MED13: variants seen among roughly 807,000 people sequenced by gnomAD.
MED13 encodes mediator of RNA polymerase II transcription subunit 13.
A neutral mutation model predicts 225.2 loss-of-function variants in MED13; 23 were observed. The observed-to-expected ratio is 0.10, with a 90% CI of 0.07 to 0.14. MED13 has a LOEUF of 0.14. Among genes scored for constraint, MED13 ranks in the 10% least tolerant of loss-of-function variants. The probability of loss-of-function intolerance (pLI) is 1.00; values close to 1 mark genes in which losing one functional copy is unlikely to be tolerated. For synonymous variants in MED13, 942 were observed against 889.2 expected (o/e 1.06, Z -1.06); for missense variants, 2,197 against 2,594.5 (o/e 0.85, Z 3.33).
At chr17:62,007,223 AG>A (rs1156303849) in intron 9 of MED13, 1 of 152,270 alleles carries the variant, frequency 6.6e-6, no homozygotes, top group Non-Finnish European at 1.5e-5. Flanking sequence ...CCTGGACAAG[AG>A]AGCAAGACTC....
At chr17:61,964,673 C>A (rs1008344765) in intron 20 of MED13, among the ~76,000 whole-genome samples, 1 of 151,776 alleles carries the variant, frequency 6.6e-6, no homozygotes, top group East Asian at 1.9e-4. Context: ...TGGTGGCTCA[C>A]GTCTGTAATC....
rs908416868 is a variant in MED13, at chr17:61,956,477, G to A, written c.5485C>T (p.Arg1829Cys). Reference sequence around the variant, plus strand: ...TTTCTAGCAGAACTTTTTTTCCGACGAGCCCTATTGTGTGAATAAAGAGAG... The same window carrying A: ...TTTCTAGCAGAACTTTTTTTCCGACAAGCCCTATTGTGTGAATAAAGAGAG... The part of the protein sequence containing the change: ...IINIDVPNRA[R>C]RKKSSARKFG... Residue 1829 changes from arginine (R) to cysteine (C), a missense_variant, in exon 24 of 30, where the codon CGT becomes TGT. Arg to Cys is a radical substitution (Grantham distance 180, BLOSUM62 -3). Coordinates refer to ENST00000397786, the MANE Select transcript of MED13 (RefSeq NM_005121.3). 1.4e-5 allele frequency: 22 copies of A among 1,605,670 alleles called. No individual in the cohort carries two copies. Among genetic ancestry groups the A allele is most frequent in the East Asian group, 4.5e-5 (2 of 44,804 alleles).
intron 20 of MED13, among the ~76,000 whole-genome samples, chr17:61,963,264 G>T (rs1046889538): frequency 7.7e-5 from 5 of 65,058 alleles, no homozygotes; most frequent in Middle Eastern, 6.5e-3. Context: ...AAAACCATAG[G>T]GTAAGGGTAT....
At chr17:62,046,273 AAAG>A (rs557102940) in intron 3 of MED13, among the ~76,000 whole-genome samples, 60 of 152,348 alleles carry the variant, frequency 3.9e-4, no homozygotes, top group Admixed American at 1.5e-3. Flanking sequence ...TTGCTTTTCC[AAAG>A]AAGGAAAAAG....
intron 8 of MED13, among the ~76,000 whole-genome samples, chr17:62,014,201 C>T (rs2143604008): frequency 1.3e-5 from 2 of 152,072 alleles, no homozygotes; most frequent in East Asian, 3.9e-4. Context: ...CTATGAAGTA[C>T]TCTTGCCAAA....
intron 2 of MED13, among the ~76,000 whole-genome samples, chr17:62,062,608 A>AC (rs2081049460): frequency 8.9e-6 from 1 of 112,800 alleles, no homozygotes; most frequent in African/African-American, 2.9e-5. Flanking sequence ...CACCACACAC[A>AC]CACACACACA....
rs781103779 is a variant in MED13, at chr17:61,985,069, T to C, written c.2407A>G (p.Asn803Asp). ...CAGCTGGCTTTATCATCTGATCCAT[T>C]TGCTGATTTTTTAGATCCAGGCTAT... is the stretch of plus-strand genomic sequence containing the variant. ...ELTPGSKKSA[N>D]GSDDKASCKE... is the part of the protein sequence containing the mutation. The change falls in exon 13 of 30, where the codon AAT (asparagine) becomes GAT (aspartate). Residue 803 changes from asparagine to aspartate, a missense_variant. Transcript: ENST00000397786. 2.2e-5 allele frequency: 35 copies of C among 1,613,558 alleles called. No individual in the cohort carries two copies. Among genetic ancestry groups the C allele is most frequent in the South Asian group, 3.3e-5 (3 of 90,904 alleles).
At chr17:62,056,739 A>C (rs1286020478) in intron 2 of MED13, among the ~76,000 whole-genome samples, 1 of 152,160 alleles carries the variant, frequency 6.6e-6, no homozygotes, top group Non-Finnish European at 1.5e-5. Context: ...TGAGTGAGAC[A>C]AAGTGTGACC....
chr17:62,048,035 TACATATAC>T (rs1195712143), intron 3 of MED13, among the ~76,000 whole-genome samples: 5 of 123,876 alleles, frequency 4.0e-5, no homozygotes, highest in African/African-American at 1.6e-4. Flanking sequence ...CATATACATA[TACATATAC>T]ATATATATAT....
chr17:61,959,937 G>C (rs2079984151), intron 23 of MED13, among the ~76,000 whole-genome samples: 1 of 151,856 alleles, frequency 6.6e-6, no homozygotes, highest in African/African-American at 2.4e-5. Flanking sequence ...TGTTGCCCAG[G>C]CTGGTCTCGA....
chr17:61,999,867 G>C (rs2080379143), intron 9 of MED13, among the ~76,000 whole-genome samples: 1 of 151,978 alleles, frequency 6.6e-6, no homozygotes, highest in African/African-American at 2.4e-5. Flanking sequence ...GACCAGCCTG[G>C]ACAACATAGC....
At chr17:62,008,864 G>A (rs1224240399) in intron 9 of MED13, among the ~76,000 whole-genome samples, 2 of 151,906 alleles carry the variant, frequency 1.3e-5, no homozygotes, top group Non-Finnish European at 2.9e-5. Context: ...AAATAAGAAA[G>A]TATTAAACTC....
intron 11 of MED13, among the ~76,000 whole-genome samples, chr17:61,989,352 T>C (rs944942522): frequency 1.3e-5 from 2 of 151,604 alleles, no homozygotes; most frequent in Non-Finnish European, 2.9e-5. Flanking sequence ...GATTGATTGA[T>C]TGATTGGAGA....
intron 3 of MED13, among the ~76,000 whole-genome samples, chr17:62,048,083 T>TATATATGTATATATC (rs2143741469): frequency 6.8e-6 from 1 of 146,984 alleles, no homozygotes; most frequent in Non-Finnish European, 1.5e-5. Flanking sequence ...TATATATATA[T>TATATATGTATATATC]CCCTGAAGGT....
chr17:62,007,707 G>A (rs915403432), intron 9 of MED13, among the ~76,000 whole-genome samples: 4 of 151,902 alleles, frequency 2.6e-5, no homozygotes, highest in Non-Finnish European at 5.9e-5. Context: ...AATTAGCCGG[G>A]CATGGTGGCA....
rs140673828 is a variant in MED13, at chr17:61,965,208, T to C, written c.4642A>G (p.Ser1548Gly). The change falls in exon 20 of 30, where the codon AGT (serine) becomes GGT (glycine). Residue 1548 changes from serine to glycine, a missense_variant. Ser to Gly is a moderately conservative substitution (Grantham distance 56). Around this residue, in one of 12 missense-constraint regions of MED13, gnomAD observed 457 missense variants for 442.2 expected, o/e 1.03. Coordinates refer to ENST00000397786, the MANE Select transcript of MED13 (RefSeq NM_005121.3). ...TSSSSSSNLN[S>G]GVSSNKLPSF... ...GGTAGTTTATTTGATGATACTCCAC[T>C]ATTCAAGTTGGAGGATGATGAAGAT... 10,812 of 1,614,128 alleles carry C rather than the reference T, an allele frequency of 6.7e-3. 49 individuals are homozygous for C. The highest frequency in any genetic ancestry group is 8.0e-3 in the Non-Finnish European group (9,443 of 1,179,938).
chr17:61,992,251 A>G (rs1427756759), intron 11 of MED13, among the ~76,000 whole-genome samples: 4 of 152,162 alleles, frequency 2.6e-5, no homozygotes, highest in Non-Finnish European at 5.9e-5. Flanking sequence ...CGTAATTCCC[A>G]GTAGAAGGGG....
chr17:61,977,337 G>A (rs149376841), intron 16 of MED13, among the ~76,000 whole-genome samples: 2 of 152,186 alleles, frequency 1.3e-5, no homozygotes, highest in South Asian at 2.1e-4. Context: ...TCTGGAAAAC[G>A]AGTATCCAAG....
chr17:61,958,930 G>C (rs768042375), intron 23 of MED13, among the ~76,000 whole-genome samples: 2 of 151,984 alleles, frequency 1.3e-5, no homozygotes, highest in African/African-American at 4.8e-5. Context: ...GCTGCATAAG[G>C]GTAGTTTTTC....
Sources: allele counts gnomAD v4.1 joint callset (sites outside exome capture counted in the v4.1 genomes callset), GRCh38; gene constraint gnomAD v4.1.1; regional missense constraint gnomAD v4.1.1; transcripts MANE v1.5; gene names NCBI Gene and HGNC (gene_info 2026-07-23, HGNC 2026-07-21).